GJB7: variants seen among roughly 807,000 people sequenced by gnomAD.
GJB7 encodes the protein gap junction beta-7 protein.
For missense variants in GJB7, 253 were observed against 256.8 expected, an observed-to-expected ratio of 0.99 and a Z score of 0.10; for synonymous variants, 87 against 95.2, an observed-to-expected ratio of 0.91 and a Z score of 0.50.
intron 1 of GJB7, among the ~76,000 whole-genome samples, chr6:87,323,284 T>G (rs1466693004): frequency 6.6e-6 from 1 of 152,084 alleles, no homozygotes; most frequent in Non-Finnish European, 1.5e-5. Flanking sequence ...ATTTATTTAT[T>G]TGTTATTATT....
At chr6:87,315,809 A>AG (rs1472209109) in intron 2 of GJB7, among the ~76,000 whole-genome samples, 44 of 150,424 alleles carry the variant, frequency 2.9e-4, no homozygotes, top group Non-Finnish European at 4.9e-4. Context: ...AAAAAAAAAA[A>AG]AAAAAAAGAA....
chr6:87,317,508 C>A (rs1776600391), intron 2 of GJB7, among the ~76,000 whole-genome samples: 3 of 150,902 alleles, frequency 2.0e-5, no homozygotes, highest in Admixed American at 1.3e-4. Context: ...CAGCTCACTG[C>A]AACCTCCGCC....
chr6:87,325,072 G>T (rs1407047816), intron 1 of GJB7, among the ~76,000 whole-genome samples: 2 of 152,022 alleles, frequency 1.3e-5, no homozygotes, highest in Admixed American at 1.3e-4. Context: ...CTCTCTGTTT[G>T]TTGCTGGTGT....
intron 2 of GJB7, among the ~76,000 whole-genome samples, chr6:87,315,968 A>G (rs1776579292): frequency 1.3e-5 from 2 of 152,100 alleles, no homozygotes; most frequent in South Asian, 4.1e-4. Context: ...AGTTAGTTTC[A>G]GTCAAGTTTC....
chr6:87,310,782 C>T (rs537845057), intron 2 of GJB7, among the ~76,000 whole-genome samples: 4 of 152,134 alleles, frequency 2.6e-5, no homozygotes, highest in South Asian at 2.1e-4. Context: ...GGATACTAAT[C>T]GCCAAAATAT....
chr6:87,318,703 A>T (rs1435493020), intron 2 of GJB7, among the ~76,000 whole-genome samples: 3 of 152,220 alleles, frequency 2.0e-5, no homozygotes, highest in Non-Finnish European at 4.4e-5. Context: ...AGGTGGGGAC[A>T]CAGGGAGGGG....
intron 2 of GJB7, chr6:87,322,616 A>C (rs1776692074): frequency 1.3e-5 from 2 of 152,170 alleles, no homozygotes. Flanking sequence ...CGAGGAGAGG[A>C]GGTGACCCCG....
Position 87,284,337 on chromosome 6 carries a change from C to T in GJB7, c.576G>A (p.Val192=), listed in dbSNP as rs1157246125. ...AAAAACTCAGTTCAATGAAATTCAA[C>T]ACAATACACAAGCATGAGGTGATGA... is the stretch of plus-strand genomic sequence containing the variant. ...FLVITSCLCI[V]LNFIELSFLV... Residue 192 remains valine (V), a synonymous_variant, in exon 3 of 3, where the codon GTG becomes GTA. Coordinates refer to ENST00000525899, the MANE Select transcript of GJB7 (RefSeq NM_198568.3). The T allele has an allele frequency of 5.6e-6, 9 of 1,613,894 alleles. No homozygotes were observed. Among genetic ancestry groups the T allele is most frequent in the Non-Finnish European group, 7.6e-6 (9 of 1,179,962 alleles).
At chr6:87,290,182 G>A (rs181661403) in intron 2 of GJB7, among the ~76,000 whole-genome samples, 2 of 152,276 alleles carry the variant, frequency 1.3e-5, no homozygotes, top group Admixed American at 1.3e-4. Flanking sequence ...AACTCAAAGA[G>A]GTGGGATACT....
chr6:87,317,332 C>A (rs1383139438), intron 2 of GJB7, among the ~76,000 whole-genome samples: 1 of 152,134 alleles, frequency 6.6e-6, no homozygotes, highest in Non-Finnish European at 1.5e-5. Context: ...GCACTGTACT[C>A]TAGCCTGGGC....
chr6:87,293,224 G>C (rs1308999155), intron 2 of GJB7, among the ~76,000 whole-genome samples: 2 of 152,032 alleles, frequency 1.3e-5, no homozygotes. Context: ...TAGAGACAGG[G>C]TTTCACCTGT....
intron 2 of GJB7, among the ~76,000 whole-genome samples, chr6:87,315,283 C>A (rs1776564487): frequency 6.6e-6 from 1 of 152,112 alleles, no homozygotes; most frequent in Non-Finnish European, 1.5e-5. Flanking sequence ...TGACCTTAAC[C>A]CTGGCCTGTC....
intron 2 of GJB7, among the ~76,000 whole-genome samples, chr6:87,304,846 C>A (rs1489283002): frequency 6.6e-6 from 1 of 152,220 alleles, no homozygotes; most frequent in African/African-American, 2.4e-5. Flanking sequence ...TGGGCTTCAT[C>A]CCTGGTTTGC....
chr6:87,304,319 G>T (rs180751504), intron 2 of GJB7, among the ~76,000 whole-genome samples: 1 of 152,080 alleles, frequency 6.6e-6, no homozygotes, highest in African/African-American at 2.4e-5. Context: ...ATCAAATGAC[G>T]CAATATAAAA....
intron 2 of GJB7, chr6:87,300,083 C>T: frequency 3.1e-6 from 1 of 322,678 alleles, no homozygotes. Flanking sequence ...GGGGGTTGTG[C>T]CTTGCTCCAG....
chr6:87,324,896 G>C (rs144739741), intron 1 of GJB7, among the ~76,000 whole-genome samples: 107 of 152,214 alleles, frequency 7.0e-4, no homozygotes, highest in Non-Finnish European at 1.2e-3. Context: ...TTCTTCCTAC[G>C]CATGAGCATG....
chr6:87,315,813 A>AG (rs796372051), intron 2 of GJB7, among the ~76,000 whole-genome samples: 130 of 148,616 alleles, frequency 8.7e-4, no homozygotes, highest in Non-Finnish European at 1.2e-3. Context: ...AAAAAAAAAA[A>AG]AAAGAAAGAA....
At chr6:87,288,687 C>T (rs1582553506) in intron 2 of GJB7, among the ~76,000 whole-genome samples, 1 of 152,220 alleles carries the variant, frequency 6.6e-6, no homozygotes, top group Admixed American at 6.5e-5. Flanking sequence ...ACCATCCGCC[C>T]AAGTGTTGAA....
At chr6:87,298,586 A>AAAAAC (rs1318445781) in intron 2 of GJB7, among the ~76,000 whole-genome samples, 1 of 152,226 alleles carries the variant, frequency 6.6e-6, no homozygotes, top group African/African-American at 2.4e-5. Context: ...CTCAGAAGCT[A>AAAAAC]AAAACAAAAC....
Sources: allele counts gnomAD v4.1 joint callset (sites outside exome capture counted in the v4.1 genomes callset), GRCh38; gene constraint gnomAD v4.1.1; transcripts MANE v1.5; gene names NCBI Gene and HGNC (gene_info 2026-07-23, HGNC 2026-07-21).